Variants in RAB31 observed in about 807,000 individuals in gnomAD.
RAB31 encodes the protein RAB31, member RAS oncogene family.
In RAB31, 21 loss-of-function variants were observed where a neutral mutation model predicts 25.6. The ratio of observed to expected loss-of-function variants is 0.82; its 90% CI spans 0.58 to 1.18. The LOEUF is 1.18. Ranked by LOEUF, RAB31 falls within the 50% of genes most tolerant of loss-of-function variation. The pLI is 0.00. For synonymous variants in RAB31, 87 were observed against 84.0 expected, an observed-to-expected ratio of 1.04 and a Z score of -0.20; for missense variants, 196 against 250.1, an observed-to-expected ratio of 0.78 and a Z score of 1.46.
At chr18:9,780,514 G>C (rs574893060) in intron 2 of RAB31, among the ~76,000 whole-genome samples, 87 of 152,074 alleles carry the variant, frequency 5.7e-4, no homozygotes, top group Non-Finnish European at 1.1e-3. Flanking sequence ...GTGTGTATGC[G>C]TTATTTATTC....
chr18:9,823,456 A>G (rs185654715), intron 5 of RAB31, among the ~76,000 whole-genome samples: 1 of 152,318 alleles, frequency 6.6e-6, no homozygotes, highest in East Asian at 1.9e-4. Flanking sequence ...TGCATCAATG[A>G]CAATGTCCTC....
chr18:9,714,801 C>T (rs902924403), intron 1 of RAB31, among the ~76,000 whole-genome samples: 2 of 152,140 alleles, frequency 1.3e-5, no homozygotes, highest in Admixed American at 6.5e-5. Context: ...CCCAAAGACA[C>T]GAACACACCA....
chr18:9,861,713 C>G lies in RAB31; in HGVS notation c.*2388C>G, dbSNP rs2068848900. 6.6e-6 allele frequency: 1 copy of G among 152,086 alleles called. No homozygotes were observed. The highest frequency in any genetic ancestry group is 2.4e-5 in the African/African-American group (1 of 41,400). The allele number at this position is 152,086 out of a possible 1,614,324, so 9.4% of individuals were successfully genotyped here. The stretch of plus-strand genomic sequence containing the variant: ...CATGTAGTTTCATGTAGTGTAGCAT[C>G]CTTGGCATCGTTTTCCAAAATTTGT... On this transcript the variant is annotated 3_prime_UTR_variant, in exon 7 of 7. Coordinates refer to ENST00000578921, the MANE Select transcript of RAB31 (RefSeq NM_006868.4).
At chr18:9,750,569 G>A (rs1287230941) in intron 1 of RAB31, among the ~76,000 whole-genome samples, 2 of 152,136 alleles carry the variant, frequency 1.3e-5, no homozygotes, top group Admixed American at 1.3e-4. Context: ...GCATTCTTAC[G>A]TGTGGTGGGC....
intron 2 of RAB31, among the ~76,000 whole-genome samples, chr18:9,775,963 T>C (rs2145491238): frequency 6.6e-6 from 1 of 152,202 alleles, no homozygotes; most frequent in East Asian, 1.9e-4. Flanking sequence ...TATTTTTTTG[T>C]ATTTTTAGTA....
At chr18:9,764,315 C>G (rs1054898641) in intron 1 of RAB31, among the ~76,000 whole-genome samples, 2 of 152,214 alleles carry the variant, frequency 1.3e-5, no homozygotes, top group African/African-American at 4.8e-5. Flanking sequence ...ATCCCCTGTC[C>G]TTGCATACTG....
At chr18:9,726,845 G>A (rs1325531114) in intron 1 of RAB31, among the ~76,000 whole-genome samples, 3 of 152,126 alleles carry the variant, frequency 2.0e-5, no homozygotes, top group African/African-American at 7.2e-5. Flanking sequence ...ACAGACCTAT[G>A]TAAACACCTG....
chr18:9,784,376 A>C (rs994605183), intron 2 of RAB31, among the ~76,000 whole-genome samples: 2 of 152,002 alleles, frequency 1.3e-5, no homozygotes, highest in African/African-American at 4.8e-5. Flanking sequence ...ATATAGTTGT[A>C]CAGGGACACA....
chr18:9,715,752 G>A (rs889267348), intron 1 of RAB31, among the ~76,000 whole-genome samples: 1 of 151,986 alleles, frequency 6.6e-6, no homozygotes, highest in Non-Finnish European at 1.5e-5. Context: ...GGCTGGTCTC[G>A]AACTCCTGGC....
At chr18:9,759,798 A>G (rs938292734) in intron 1 of RAB31, among the ~76,000 whole-genome samples, 3 of 152,130 alleles carry the variant, frequency 2.0e-5, no homozygotes, top group African/African-American at 7.2e-5. Flanking sequence ...GGTGGTAGAA[A>G]TAGTGTCAGT....
At position 9,842,987 on chromosome 18, in the gene RAB31, G is replaced by A. The variant is rs117169246; in HGVS notation, c.381-2595G>A. ...CCATGGTCATCCTAAGGATGGAGAT[G>A]TTGGGCTGTGGTACATGATAACTGT... On this transcript the variant is annotated intron_variant, in intron 5 of 6. Coordinates refer to ENST00000578921, the MANE Select transcript of RAB31 (RefSeq NM_006868.4). 5.9e-5 allele frequency among the ~76,000 whole-genome samples: 9 copies of A among 152,368 alleles called. No homozygotes were observed. In the East Asian group the frequency reaches 1.5e-3, roughly 26 times the overall value.
intron 1 of RAB31, 118 bp from the exon 2 acceptor site, chr18:9,775,160 A>G: frequency 6.6e-7 from 1 of 1,513,984 alleles, no homozygotes. Flanking sequence ...TCCCTCTCCC[A>G]GTCTCATCAA....
intron 3 of RAB31, among the ~76,000 whole-genome samples, chr18:9,813,326 C>G (rs563234012): frequency 2.0e-5 from 3 of 152,296 alleles, no homozygotes; most frequent in African/African-American, 7.2e-5. Flanking sequence ...CCAGTGTTCC[C>G]TTTCCCTCTC....
At chr18:9,829,621 G>A (rs566141024) in intron 5 of RAB31, among the ~76,000 whole-genome samples, 52 of 152,310 alleles carry the variant, frequency 3.4e-4, no homozygotes, top group South Asian at 6.2e-4. Context: ...TAATGCCAAC[G>A]TCTTTCACGG....
intron 2 of RAB31, among the ~76,000 whole-genome samples, chr18:9,784,490 G>A (rs1377516071): frequency 6.6e-6 from 1 of 151,842 alleles, no homozygotes; most frequent in African/African-American, 2.4e-5. Context: ...ATAACATGAT[G>A]TATGATCTTC....
At chr18:9,757,001 G>A (rs2068263338) in intron 1 of RAB31, among the ~76,000 whole-genome samples, 1 of 152,210 alleles carries the variant, frequency 6.6e-6, no homozygotes, top group African/African-American at 2.4e-5. Context: ...TCCTACCAGA[G>A]TTTACGTCTT....
intron 3 of RAB31, among the ~76,000 whole-genome samples, chr18:9,796,116 A>G (rs1445166491): frequency 2.0e-5 from 3 of 152,254 alleles, no homozygotes; most frequent in African/African-American, 7.2e-5. Flanking sequence ...GGAGACCATT[A>G]TTCTAAATGA....
chr18:9,718,581 A>C (rs951455186), intron 1 of RAB31, among the ~76,000 whole-genome samples: 1 of 152,348 alleles, frequency 6.6e-6, no homozygotes, highest in South Asian at 2.1e-4. Flanking sequence ...CTTTCATAAT[A>C]AACTTCTAAA....
At chr18:9,710,917 C>CT (rs148344186) in intron 1 of RAB31, among the ~76,000 whole-genome samples, 31,787 of 144,820 alleles carry the variant, frequency 0.22, 4,151 homozygotes, top group African/African-American at 0.37. Context: ...TTGTGGCTTC[C>CT]TTTTTTTTTT....
Sources: allele counts gnomAD v4.1 joint callset (sites outside exome capture counted in the v4.1 genomes callset), GRCh38; gene constraint gnomAD v4.1.1; transcripts MANE v1.5; gene names NCBI Gene and HGNC (gene_info 2026-07-23, HGNC 2026-07-21).